SUGCT: variants seen among roughly 807,000 people sequenced by gnomAD.
The protein encoded by SUGCT is succinyl-CoA:glutarate-CoA transferase, also known as succinyl-CoA:glutarate CoA-transferase.
Under a neutral mutation model 55.0 loss-of-function variants are expected in SUGCT, and 41 were observed. The ratio of observed to expected loss-of-function variants is 0.74; its 90% CI spans 0.58 to 0.97. The LOEUF is 0.97. Among genes scored for constraint, SUGCT ranks in the 50% least tolerant of loss-of-function variants. SUGCT has a pLI of 0.00. For missense variants in SUGCT, 568 were observed against 547.8 expected, an observed-to-expected ratio of 1.04 and a Z score of -0.37; for synonymous variants, 187 against 200.4, an observed-to-expected ratio of 0.93 and a Z score of 0.56.
At chr7:40,338,362 C>T (rs889294811) in intron 9 of SUGCT, among the ~76,000 whole-genome samples, 3 of 152,210 alleles carry the variant, frequency 2.0e-5, no homozygotes, top group African/African-American at 7.2e-5. Context: ...TGGTTCCATT[C>T]TCCCCGTCAC....
chr7:40,797,954 A>G (rs1790628602), intron 13 of SUGCT, among the ~76,000 whole-genome samples: 1 of 152,202 alleles, frequency 6.6e-6, no homozygotes, highest in Non-Finnish European at 1.5e-5. Flanking sequence ...CCACTCAGAT[A>G]TATTGGCAGC....
At chr7:40,975,380 G>A in the SUGCT span, among the ~76,000 whole-genome samples, 6 of 152,116 alleles carry the variant, frequency 3.9e-5, no homozygotes, top group South Asian at 2.1e-4. Flanking sequence ...ATTTAAGTCC[G>A]TTTCATGATG....
intron 8 of SUGCT, among the ~76,000 whole-genome samples, chr7:40,277,012 C>T (rs924198783): frequency 2.6e-5 from 4 of 152,146 alleles, no homozygotes; most frequent in Non-Finnish European, 4.4e-5. Flanking sequence ...GGGAATGTCT[C>T]GTAACCCTTA....
At chr7:40,381,916 G>A (rs1343957279) in intron 9 of SUGCT, among the ~76,000 whole-genome samples, 1 of 151,960 alleles carries the variant, frequency 6.6e-6, no homozygotes, top group East Asian at 1.9e-4. Flanking sequence ...TATTTCAGGT[G>A]GAGTTGATAA....
chr7:40,617,735 CTT>C (rs368755742), intron 12 of SUGCT, among the ~76,000 whole-genome samples: 2 of 151,938 alleles, frequency 1.3e-5, no homozygotes, highest in Admixed American at 6.6e-5. Flanking sequence ...TAACTGCATA[CTT>C]TTTTTTCCAA....
chr7:40,499,806 A>G (rs561757523), intron 12 of SUGCT, among the ~76,000 whole-genome samples: 4 of 152,264 alleles, frequency 2.6e-5, no homozygotes, highest in Non-Finnish European at 5.9e-5. Context: ...TCTTCTTTTA[A>G]TCAAGCCAAG....
At chr7:40,675,235 A>G (rs1181886336) in intron 12 of SUGCT, among the ~76,000 whole-genome samples, 1 of 151,774 alleles carries the variant, frequency 6.6e-6, no homozygotes, top group Non-Finnish European at 1.5e-5. Context: ...TAATTTTTGT[A>G]TTTTTAGTAG....
intron 11 of SUGCT, among the ~76,000 whole-genome samples, chr7:40,494,375 A>G (rs1393635698): frequency 1.3e-5 from 2 of 152,308 alleles, no homozygotes; most frequent in East Asian, 1.9e-4. Flanking sequence ...ATCTATATAT[A>G]TTTTAGGAGG....
At chr7:40,222,699 G>T (rs1463697523) in intron 6 of SUGCT, among the ~76,000 whole-genome samples, 1 of 152,142 alleles carries the variant, frequency 6.6e-6, no homozygotes, top group Non-Finnish European at 1.5e-5. Context: ...AAAATTAGCT[G>T]GGTGTGGTGT....
At chr7:40,543,447 G>A (rs1794812947) in intron 12 of SUGCT, among the ~76,000 whole-genome samples, 1 of 152,140 alleles carries the variant, frequency 6.6e-6, no homozygotes, top group African/African-American at 2.4e-5. Context: ...ACTGAAAACA[G>A]GCTCTTCATA....
At chr7:40,952,742 G>A in the SUGCT span, among the ~76,000 whole-genome samples, 1 of 152,178 alleles carries the variant, frequency 6.6e-6, no homozygotes, top group Non-Finnish European at 1.5e-5. Context: ...TGAAATTCTG[G>A]ATTGAAAATT....
At chr7:40,194,828 C>T in intron 5 of SUGCT, 112 bp from the exon 6 acceptor site, 2 of 1,254,564 alleles carry the variant, frequency 1.6e-6, no homozygotes, top group East Asian at 2.6e-5. Context: ...TTCATCAGTC[C>T]TGTGATTTTT....
intron 12 of SUGCT, among the ~76,000 whole-genome samples, chr7:40,505,043 A>G (rs1197213096): frequency 6.6e-6 from 1 of 152,060 alleles, no homozygotes; most frequent in Non-Finnish European, 1.5e-5. Flanking sequence ...GTATTTTTGG[A>G]AGAATTTGTA....
the SUGCT span, among the ~76,000 whole-genome samples, chr7:40,934,206 A>G: frequency 1.3e-5 from 2 of 152,050 alleles, no homozygotes; most frequent in African/African-American, 4.8e-5. Context: ...TCAGCTGCAG[A>G]TCTGTTGGAG....
chr7:40,832,601 A>C (rs772548520), intron 13 of SUGCT, among the ~76,000 whole-genome samples: 21 of 150,148 alleles, frequency 1.4e-4, no homozygotes, highest in Non-Finnish European at 2.5e-4. Context: ...CCTAGCCACA[A>C]AGAATTAGCT....
rs374937548 is a variant in SUGCT, at chr7:40,435,496, T to C, written c.817-13791T>C. Among the ~76,000 whole-genome samples the C allele has an allele frequency of 1.1e-4, 17 of 152,300 alleles. No individual in the cohort carries two copies. In the South Asian group the frequency reaches 1.5e-3, roughly 13 times the overall value. ...GAATTACCTGGGTTGCTGTGACACATTGACATTGATTTAAAAAGTGTATTG... is the reference window on the plus strand; with the variant it reads ...GAATTACCTGGGTTGCTGTGACACACTGACATTGATTTAAAAAGTGTATTG... On this transcript the variant is annotated intron_variant, in intron 9 of 13. Transcript: ENST00000335693.
At chr7:40,808,959 C>T (rs1175466649) in intron 13 of SUGCT, among the ~76,000 whole-genome samples, 2 of 152,184 alleles carry the variant, frequency 1.3e-5, no homozygotes, top group African/African-American at 4.8e-5. Flanking sequence ...CTGTACCTAA[C>T]GAACTGTGGA....
chr7:40,193,997 A>G (rs1786098722), intron 5 of SUGCT, among the ~76,000 whole-genome samples: 1 of 152,186 alleles, frequency 6.6e-6, no homozygotes, highest in African/African-American at 2.4e-5. Context: ...TAAGGTTTAC[A>G]ATGCTGCATT....
chr7:40,938,065 C>T, the SUGCT span, among the ~76,000 whole-genome samples: 2 of 152,214 alleles, frequency 1.3e-5, no homozygotes, highest in Non-Finnish European at 2.9e-5. Context: ...TGGTAATGCT[C>T]AGTCACTCAC....
Sources: gnomAD v4.1 joint callset for allele counts (sites outside exome capture counted in the v4.1 genomes callset) on GRCh38, gnomAD v4.1.1 for gene constraint, MANE v1.5 for transcripts, NCBI Gene and HGNC (gene_info 2026-07-23, HGNC 2026-07-21) for gene names.